The following PRIM2 variants were observed in gnomAD, a reference collection of about 807,000 sequenced individuals.
PRIM2 encodes DNA primase large subunit.
A neutral mutation model predicts 67.3 loss-of-function variants in PRIM2; 39 were observed. That is an observed-to-expected ratio of 0.58 (90% confidence interval 0.45 to 0.76). The LOEUF (loss-of-function observed/expected upper bound fraction) is 0.76. Among genes scored for constraint, PRIM2 ranks in the 30% least tolerant of loss-of-function variants. The pLI is 0.00. For synonymous variants in PRIM2, 143 were observed against 198.7 expected (o/e 0.72, Z 2.36); for missense variants, 398 against 598.7 (o/e 0.66, Z 3.50).
At chr6:57,324,834 A>G (rs1767791889) in intron 4 of PRIM2, among the ~76,000 whole-genome samples, 1 of 152,182 alleles carries the variant, frequency 6.6e-6, no homozygotes, top group Non-Finnish European at 1.5e-5. Context: ...TTTTAAAATT[A>G]ATAAGCTTAT....
At chr6:57,282,673 G>T in the PRIM2 span, among the ~76,000 whole-genome samples, 1 of 152,264 alleles carries the variant, frequency 6.6e-6, no homozygotes. Flanking sequence ...GAGGATATTA[G>T]GACTCAGACA....
In PRIM2 at chr6:57,508,263, G is replaced by A. The variant is rs1554347400; in HGVS notation, c.761+809G>A. ...TTTCTGTGTTTTTGTTGTTGTTGTC[G>A]TTGTTGTTTTTTACTTAGTGTTGAA... On this transcript the variant is annotated intron_variant, in intron 8 of 13. Transcript: ENST00000615550. Among the ~76,000 whole-genome samples, 8 of 152,020 alleles carry A rather than the reference G, an allele frequency of 5.3e-5. No homozygotes were observed. In the East Asian group the frequency reaches 9.7e-4, roughly 18 times the overall value.
intron 10 of PRIM2, among the ~76,000 whole-genome samples, chr6:57,554,926 G>T (rs1249390765): frequency 6.6e-6 from 1 of 152,190 alleles, no homozygotes; most frequent in African/African-American, 2.4e-5. Flanking sequence ...GTATAGATAG[G>T]CTTGTCCTTA....
intron 13 of PRIM2, among the ~76,000 whole-genome samples, chr6:57,634,395 A>G (rs1777085166): frequency 6.6e-6 from 1 of 152,258 alleles, no homozygotes; most frequent in African/African-American, 2.4e-5. Context: ...AACAAAACTC[A>G]AGGAGTAAAC....
rs5009314 is a variant in PRIM2, at chr6:57,364,521, C to T, written c.460-15380C>T. On this transcript the variant is annotated intron_variant, in intron 5 of 13. Coordinates refer to ENST00000615550, the MANE Select transcript of PRIM2 (RefSeq NM_000947.5). Reference sequence around the variant, plus strand: ...CACAGCTTCTCAAAAACTTCATTTTCCTACCTTTTTCTTTTCCTGCTTTGC... The same window carrying T: ...CACAGCTTCTCAAAAACTTCATTTTTCTACCTTTTTCTTTTCCTGCTTTGC... 3.3e-5 allele frequency among the ~76,000 whole-genome samples: 5 copies of T among 152,184 alleles called. No homozygotes were observed. The East Asian group carries it at 5.8e-4, about 18-fold the overall frequency.
At chr6:57,593,013 G>C (rs2127489028) in intron 10 of PRIM2, among the ~76,000 whole-genome samples, 1 of 152,284 alleles carries the variant, frequency 6.6e-6, no homozygotes, top group East Asian at 1.9e-4. Context: ...AAGAGGCTCT[G>C]AGAACAGGGT....
chr6:57,265,563 A>G, the PRIM2 span, among the ~76,000 whole-genome samples: 1 of 152,218 alleles, frequency 6.6e-6, no homozygotes, highest in South Asian at 2.1e-4. Flanking sequence ...TTAGGCATGT[A>G]GACTTTGACA....
chr6:57,381,074 T>C (rs1402132584), intron 6 of PRIM2, among the ~76,000 whole-genome samples: 4 of 152,086 alleles, frequency 2.6e-5, no homozygotes, highest in Non-Finnish European at 4.4e-5. Flanking sequence ...TCATCTGATA[T>C]GTCCTATGTA....
At chr6:57,337,060 C>A (rs1299856770) in intron 5 of PRIM2, among the ~76,000 whole-genome samples, 1 of 152,086 alleles carries the variant, frequency 6.6e-6, no homozygotes, top group African/African-American at 2.4e-5. Flanking sequence ...GGTTGCAATC[C>A]TAGTCTCTGA....
chr6:57,337,381 C>G (rs1180442477), intron 5 of PRIM2, among the ~76,000 whole-genome samples: 1 of 151,966 alleles, frequency 6.6e-6, no homozygotes, highest in African/African-American at 2.4e-5. Context: ...CTACAGAACT[C>G]TCCACCCCAA....
intron 7 of PRIM2, among the ~76,000 whole-genome samples, chr6:57,471,794 G>A (rs1269699729): frequency 6.6e-6 from 1 of 152,096 alleles, no homozygotes; most frequent in Non-Finnish European, 1.5e-5. Context: ...AAAAAATGAA[G>A]TATATGCTTT....
intron 10 of PRIM2, among the ~76,000 whole-genome samples, chr6:57,562,557 C>G (rs1775658495): frequency 1.3e-5 from 2 of 152,148 alleles, no homozygotes; most frequent in African/African-American, 4.8e-5. Flanking sequence ...GCTCTAGACC[C>G]AGATATCCAA....
chr6:57,313,130 C>A (rs1200928961), upstream of PRIM2, among the ~76,000 whole-genome samples: 2 of 152,140 alleles, frequency 1.3e-5, no homozygotes, highest in Non-Finnish European at 1.5e-5. Flanking sequence ...TGCTATTCTC[C>A]TAAAGATAGA....
At chr6:57,289,156 A>G in the PRIM2 span, among the ~76,000 whole-genome samples, 1 of 152,206 alleles carries the variant, frequency 6.6e-6, no homozygotes, top group Admixed American at 6.5e-5. Context: ...TTTGTGACGC[A>G]TGCACAAGCT....
At chr6:57,407,146 G>C (rs7756720) in intron 7 of PRIM2, among the ~76,000 whole-genome samples, 10 of 152,166 alleles carry the variant, frequency 6.6e-5, no homozygotes, top group East Asian at 3.9e-4. Context: ...ACTATTAAAG[G>C]CTAAAATAAT....
At chr6:57,600,158 A>G (rs1776434615) in intron 10 of PRIM2, among the ~76,000 whole-genome samples, 1 of 152,128 alleles carries the variant, frequency 6.6e-6, no homozygotes, top group African/African-American at 2.4e-5. Context: ...GCACCTGGTC[A>G]CTTTTCATTA....
intron 7 of PRIM2, among the ~76,000 whole-genome samples, chr6:57,489,527 A>C (rs1245255393): frequency 3.3e-5 from 5 of 151,582 alleles, no homozygotes; most frequent in Admixed American, 3.3e-4. Flanking sequence ...ACTGCACTCC[A>C]GCCTGGGCGA....
intron 5 of PRIM2, among the ~76,000 whole-genome samples, chr6:57,327,704 A>G (rs1034852100): frequency 6.6e-6 from 1 of 152,160 alleles, no homozygotes; most frequent in African/African-American, 2.4e-5. Context: ...ATCCATTCCT[A>G]TTAGAAATAG....
Position 57,329,049 on chromosome 6 carries a change from A to G in PRIM2, c.459+3004A>G, listed in dbSNP as rs549060707. ...CTTTACATATTCTGGATACAAGTCC[A>G]TTATCAGATATATGATTTACAAATA... On this transcript the variant is annotated intron_variant, in intron 5 of 13. Coordinates refer to ENST00000615550, the MANE Select transcript of PRIM2 (RefSeq NM_000947.5). Among the ~76,000 whole-genome samples the G allele has an allele frequency of 1.3e-4, 20 of 151,850 alleles. No homozygotes were observed. The South Asian group carries it at 3.3e-3, about 25-fold the overall frequency.
Sources: allele counts gnomAD v4.1 joint callset (sites outside exome capture counted in the v4.1 genomes callset), GRCh38; gene constraint gnomAD v4.1.1; transcripts MANE v1.5; gene names NCBI Gene and HGNC (gene_info 2026-07-23, HGNC 2026-07-21).